Variants in REXO1 observed in about 807,000 individuals in gnomAD.
REXO1 encodes RNA exonuclease 1 homolog, also known as REX1, RNA exonuclease 1 homolog.
In REXO1, 42 loss-of-function variants were observed where a neutral mutation model predicts 102.6. The ratio of observed to expected loss-of-function variants is 0.41; its 90% CI spans 0.32 to 0.53. The LOEUF (loss-of-function observed/expected upper bound fraction) is 0.53. Ranked by LOEUF, REXO1 falls within the 20% of genes least tolerant of loss-of-function variation. The pLI is 0.27. For missense variants in REXO1, 1,819 were observed against 1,732.5 expected, an observed-to-expected ratio of 1.05 and a Z score of -0.89; for synonymous variants, 908 against 779.1, an observed-to-expected ratio of 1.17 and a Z score of -2.76.
At chr19:1,837,998 C>G (rs2070090394) in intron 1 of REXO1, among the ~76,000 whole-genome samples, 1 of 152,214 alleles carries the variant, frequency 6.6e-6, no homozygotes, top group Non-Finnish European at 1.5e-5. Flanking sequence ...GGACAGAGGT[C>G]ACTGCCTTTC....
rs116347688 is a variant in REXO1, at chr19:1,846,719, A to G, written c.157+1483T>C. Reference sequence around the variant, plus strand: ...AGCCTGGACAACATAGCGAGACCCTATCTCCACGAAAACATACAAAGTTAG... The same window carrying G: ...AGCCTGGACAACATAGCGAGACCCTGTCTCCACGAAAACATACAAAGTTAG... On this transcript the variant is annotated intron_variant, in intron 1 of 15. Transcript: ENST00000170168. 8.1e-3 allele frequency among the ~76,000 whole-genome samples: 1,239 copies of G among 152,220 alleles called. 18 individuals carry two copies. Among genetic ancestry groups the G allele is most frequent in the African/African-American group, 0.028 (1,146 of 41,514 alleles).
chr19:1,820,542 C>A (rs183024717), intron 5 of REXO1, 147 bp from the exon 6 acceptor site: 1 of 889,558 alleles, frequency 1.1e-6, no homozygotes, highest in Non-Finnish European at 1.7e-6. Flanking sequence ...GGGACAGACA[C>A]GCCAAGGCAA....
At chr19:1,819,742 C>CA (rs2069476300) in intron 7 of REXO1, among the ~76,000 whole-genome samples, 192 bp downstream of exon 7, 1 of 152,208 alleles carries the variant, frequency 6.6e-6, no homozygotes, top group African/African-American at 2.4e-5. Context: ...ACAGCGAGGA[C>CA]ACCAGGGCCA....
Position 1,816,539 on chromosome 19 carries a change from G to C in REXO1, c.3348C>G (p.Ala1116=), listed in dbSNP as rs539586748. 8.7e-6 allele frequency: 14 copies of C among 1,611,378 alleles called. No homozygotes were observed. Among genetic ancestry groups the C allele is most frequent in the Non-Finnish European group, 1.2e-5 (14 of 1,179,078 alleles). Residue 1116 remains alanine (A), a synonymous_variant, in exon 14 of 16, where the codon GCC becomes GCG. Coordinates refer to ENST00000170168, the MANE Select transcript of REXO1 (RefSeq NM_020695.4). ...CGTCACGCAGCGTGACACTTGTGTC[G>C]GCAAGGTCAGCCTCCGTCACCCCCG... ...RFSGVTEADL[A]DTSVTLRDVQ...
Position 1,819,991 on chromosome 19 carries a change from C to T in REXO1, c.2593G>A (p.Val865Met), listed in dbSNP as rs765143258. The T allele has an allele frequency of 7.5e-6, 12 of 1,597,670 alleles. No individual in the cohort carries two copies. The highest frequency in any genetic ancestry group is 2.2e-5 in the East Asian group (1 of 44,508). Residue 865 changes from valine (V) to methionine (M), a missense_variant, in exon 7 of 16, where the codon GTG (valine) becomes ATG (methionine). Physicochemically the swap from Val to Met is conservative, Grantham distance 21. Coordinates refer to ENST00000170168, the MANE Select transcript of REXO1 (RefSeq NM_020695.4). ...CCCCTGAGCTTCTTGAGGGTGTTCA[C>T]GGCCACATTCAGGTAGATGTTCTTG... ...PSKNIYLNVA[V>M]NTLKKLRGLA...
Position 1,817,791 on chromosome 19 carries a change from C to G in REXO1, c.3017-11G>C, listed in dbSNP as rs2069414536. ...CCCAGCCTCCGGCCACTGCAGGGGACACAGACACACAGTCAGGGCCCGGCC... is the reference window on the plus strand; with the variant it reads ...CCCAGCCTCCGGCCACTGCAGGGGAGACAGACACACAGTCAGGGCCCGGCC... On this transcript the variant is annotated splice_polypyrimidine_tract_variant and intron_variant, in intron 10 of 15. Coordinates refer to ENST00000170168, the MANE Select transcript of REXO1 (RefSeq NM_020695.4). 6.2e-7 allele frequency: 1 copy of G among 1,609,640 alleles called. No individual in the cohort carries two copies. Among genetic ancestry groups the G allele is most frequent in the Non-Finnish European group, 8.5e-7 (1 of 1,178,254 alleles).
chr19:1,823,479 G>A (rs1555819647), intron 4 of REXO1, 93 bp downstream of exon 4: 2 of 888,700 alleles, frequency 2.3e-6, no homozygotes, highest in Non-Finnish European at 3.0e-6. Context: ...CAAGCACCAT[G>A]TGGTTCAGGT....
chr19:1,816,408 C>G (rs764428405), intron 14 of REXO1, 23 bp downstream of exon 14: 7 of 1,606,128 alleles, frequency 4.4e-6, no homozygotes, highest in South Asian at 1.1e-5. Context: ...GAGAACCGCG[C>G]GGGACCCGGG....
At position 1,828,540 on chromosome 19, in the gene REXO1, C is replaced by A. The variant is rs560286018; in HGVS notation, c.249G>T (p.Pro83=). The change falls in exon 2 of 16, where the codon CCG becomes CCT. Residue 83 remains proline (P), a synonymous_variant. Coordinates refer to ENST00000170168, the MANE Select transcript of REXO1 (RefSeq NM_020695.4). ...TGACCAGCTCCAACTCCAGCACATC[C>A]GGGCGCGGCTCCTCCCCCAGGCCCA... ...GTLGLGEEPR[P]DVLELELVNQ... 7 of 1,604,192 alleles carry A rather than the reference C, an allele frequency of 4.4e-6. No homozygotes were observed. The East Asian group carries it at 1.6e-4, about 36-fold the overall frequency.
intron 1 of REXO1, among the ~76,000 whole-genome samples, chr19:1,829,357 G>A (rs2069842230): frequency 6.6e-6 from 1 of 151,988 alleles, no homozygotes; most frequent in Non-Finnish European, 1.5e-5. Flanking sequence ...TCCTGCCTCA[G>A]CCCCCCAAGT....
rs559212952 is a variant in REXO1 at position 1,837,117 on chromosome 19, G to A, written c.158-8486C>T. 6.6e-5 allele frequency among the ~76,000 whole-genome samples: 10 copies of A among 152,360 alleles called. No homozygotes were observed. In the South Asian group the frequency reaches 8.3e-4, roughly 13 times the overall value. ...CAGAGAAGGCACGGGGCTGACCCTCGCGAAGCGCAAGGCAGGGGCTGGTTG... is the reference window on the plus strand; with the variant it reads ...CAGAGAAGGCACGGGGCTGACCCTCACGAAGCGCAAGGCAGGGGCTGGTTG... On this transcript the variant is annotated intron_variant, in intron 1 of 15. Coordinates refer to ENST00000170168, the MANE Select transcript of REXO1 (RefSeq NM_020695.4).
rs551678232 is a variant in REXO1, at chr19:1,815,624, A to G, written c.*442T>C. Reference sequence around the variant, plus strand: ...CGGTGGGAAAGATGCTGTGCAAGTCATCAGGTTTAAATTAAAAATAATAAA... The same window carrying G: ...CGGTGGGAAAGATGCTGTGCAAGTCGTCAGGTTTAAATTAAAAATAATAAA... On this transcript the variant is annotated 3_prime_UTR_variant, in exon 16 of 16. Transcript: ENST00000170168. The surrounding 1 kb of genome is among the most constrained non-coding windows in gnomAD (Gnocchi z 4.0). The G allele has an allele frequency of 4.6e-6, 5 of 1,087,914 alleles. No individual in the cohort carries two copies. The South Asian group carries it at 5.4e-5, about 12-fold the overall frequency. The allele number at this position is 1,087,914 out of a possible 1,614,324, so 67.4% of individuals were successfully genotyped here.
chr19:1,820,459 G>A, intron 5 of REXO1, 64 bp from the exon 6 acceptor site: 12 of 1,585,634 alleles, frequency 7.6e-6, no homozygotes, highest in South Asian at 1.1e-5. Flanking sequence ...GGGGAACGCA[G>A]ACGCGATGAG....
intron 1 of REXO1, among the ~76,000 whole-genome samples, chr19:1,836,909 A>C (rs1478254643): frequency 6.6e-6 from 1 of 152,114 alleles, no homozygotes; most frequent in Non-Finnish European, 1.5e-5. Context: ...CCAGGCAGAG[A>C]CCCCAGATGG....
intron 1 of REXO1, among the ~76,000 whole-genome samples, chr19:1,832,382 G>C (rs868503702): frequency 2.0e-5 from 3 of 152,218 alleles, no homozygotes; most frequent in Admixed American, 2.0e-4. Flanking sequence ...GGTGATGAAA[G>C]TGCAGTGGAA....
At chr19:1,828,986 G>A (rs1405747949) in intron 1 of REXO1, among the ~76,000 whole-genome samples, 1 of 152,246 alleles carries the variant, frequency 6.6e-6, no homozygotes, top group Non-Finnish European at 1.5e-5. Flanking sequence ...AGGCGGGTGT[G>A]GAGCTCCCAG....
intron 1 of REXO1, among the ~76,000 whole-genome samples, chr19:1,835,788 C>T (rs2070022560): frequency 1.3e-5 from 2 of 152,146 alleles, no homozygotes; most frequent in Admixed American, 6.5e-5. Flanking sequence ...ACCCCAAGGC[C>T]AGGACTGGGA....
At chr19:1,823,817 C>A (rs1196072083) in intron 3 of REXO1, 32 bp from the exon 4 acceptor site, 1 of 1,089,688 alleles carries the variant, frequency 9.2e-7, no homozygotes, top group Non-Finnish European at 1.2e-6. Context: ...GGCCTGGCAG[C>A]ACAGCGGGGG....
chr19:1,842,173 T>C (rs533371294), intron 1 of REXO1, among the ~76,000 whole-genome samples: 7 of 147,458 alleles, frequency 4.7e-5, no homozygotes, highest in Middle Eastern at 3.6e-3. Context: ...ATGGAGCCAC[T>C]GCACTCCAAC....
Sources: allele counts gnomAD v4.1 joint callset (sites outside exome capture counted in the v4.1 genomes callset), GRCh38; gene constraint gnomAD v4.1.1; non-coding constraint Gnocchi (gnomAD v3.1); transcripts MANE v1.5; gene names NCBI Gene and HGNC (gene_info 2026-07-23, HGNC 2026-07-21).